NUFIP2: variants seen among roughly 807,000 people sequenced by gnomAD.
NUFIP2 encodes nuclear FMR1 interacting protein 2.
Under a neutral mutation model 56.9 loss-of-function variants are expected in NUFIP2, and 6 were observed. That is an observed-to-expected ratio of 0.11 (90% CI 0.06 to 0.21). The LOEUF (loss-of-function observed/expected upper bound fraction) is 0.21, where lower values mean the gene tolerates loss of function less well. NUFIP2 is among the 10% of genes least tolerant of loss of function. The pLI, the probability that NUFIP2 is intolerant of heterozygous loss-of-function variation, is 1.00. For synonymous variants in NUFIP2, 321 were observed against 298.2 expected (o/e 1.08, Z -0.79); for missense variants, 828 against 826.8 (o/e 1.00, Z -0.02).
intron 2 of NUFIP2, among the ~76,000 whole-genome samples, chr17:29,269,912 G>C (rs1266860163): frequency 6.6e-6 from 1 of 151,948 alleles, no homozygotes; most frequent in African/African-American, 2.4e-5. Flanking sequence ...AGTAGAGACG[G>C]GGTTTCACCG....
chr17:29,256,823 T>G lies in NUFIP2; in HGVS notation c.*7716A>C, dbSNP rs567337617. 1 of 152,224 alleles carries G rather than the reference T, an allele frequency of 6.6e-6. No homozygotes were observed. The highest frequency in any genetic ancestry group is 2.4e-5 in the African/African-American group (1 of 41,458). 9.4% of individuals were successfully genotyped at this position (152,224 alleles called of 1,614,324 possible). ...AACTCCTAAACTTGTTCTAATCAGC[T>G]TGGGCAATTTTTTAAAAGATACACG... On this transcript the variant is annotated 3_prime_UTR_variant, in exon 4 of 4. Coordinates refer to ENST00000225388, the MANE Select transcript of NUFIP2 (RefSeq NM_020772.3).
chr17:29,280,405 C>T (rs1307812732), intron 2 of NUFIP2, among the ~76,000 whole-genome samples: 1 of 152,146 alleles, frequency 6.6e-6, no homozygotes, highest in East Asian at 1.9e-4. Context: ...TAAGAAGGCA[C>T]AGTTATATGT....
At chr17:29,284,351 T>A (rs1332725719) in intron 2 of NUFIP2, among the ~76,000 whole-genome samples, 1 of 152,174 alleles carries the variant, frequency 6.6e-6, no homozygotes, top group East Asian at 1.9e-4. Context: ...GGATTTAGAT[T>A]ACAGTTATGC....
intron 2 of NUFIP2, among the ~76,000 whole-genome samples, chr17:29,281,937 T>C (rs899487379): frequency 6.6e-6 from 1 of 151,822 alleles, no homozygotes; most frequent in African/African-American, 2.4e-5. Flanking sequence ...GCTAATTTTT[T>C]GTATTTTTAG....
chr17:29,293,479 A>G (rs1452338033), intron 1 of NUFIP2, among the ~76,000 whole-genome samples: 1 of 152,068 alleles, frequency 6.6e-6, no homozygotes, highest in East Asian at 1.9e-4. Context: ...AGGGAGGTGA[A>G]TGGGAAAAGA....
chr17:29,274,940 AAGC>A (rs1246418372), intron 2 of NUFIP2, among the ~76,000 whole-genome samples: 2 of 152,154 alleles, frequency 1.3e-5, no homozygotes, highest in Non-Finnish European at 2.9e-5. Flanking sequence ...AAGAAAGAAA[AAGC>A]AGGTTTTGGA....
At position 29,294,012 on chromosome 17, in the gene NUFIP2, G is replaced by C. The variant is rs1329187723; in HGVS notation, c.48C>G (p.His16Gln). Residue 16 changes from histidine to glutamine, a missense_variant, in exon 1 of 4, where the codon CAC becomes CAG. Coordinates refer to ENST00000225388, the MANE Select transcript of NUFIP2 (RefSeq NM_020772.3). Reference sequence around the variant, plus strand: ...GCTGAGGGTGATGGTGCGGATGGTGGTGGCTGTGATGGTGCTGAGGCTGTG... The same window carrying C: ...GCTGAGGGTGATGGTGCGGATGGTGCTGGCTGTGATGGTGCTGAGGCTGTG... ...GQPQPQHHHS[H>Q]HHPHHHPQQQ... The C allele has an allele frequency of 6.2e-7, 1 of 1,612,838 alleles. No homozygotes were observed. Among genetic ancestry groups the C allele is most frequent in the African/African-American group, 1.3e-5 (1 of 74,846 alleles).
chr17:29,267,009 T>G (rs750416344), intron 3 of NUFIP2, among the ~76,000 whole-genome samples: 4 of 151,840 alleles, frequency 2.6e-5, no homozygotes, highest in Non-Finnish European at 5.9e-5. Context: ...GTTCAAGCTA[T>G]TCTCTTGCCT....
chr17:29,260,163 T>C lies in NUFIP2; in HGVS notation c.*4376A>G, dbSNP rs2068994341. On this transcript the variant is annotated 3_prime_UTR_variant, in exon 4 of 4. Coordinates refer to ENST00000225388, the MANE Select transcript of NUFIP2 (RefSeq NM_020772.3). ...AGTCTTTTCCTCTGCCTCTCCCTTT[T>C]AAACAAATTATCAAAATTTTGTGGC... The C allele has an allele frequency of 6.6e-6, 1 of 152,188 alleles. No individual in the cohort carries two copies. Among genetic ancestry groups the C allele is most frequent in the African/African-American group, 2.4e-5 (1 of 41,450 alleles). 9.4% of individuals were successfully genotyped at this position (152,188 alleles called of 1,614,324 possible).
intron 2 of NUFIP2, among the ~76,000 whole-genome samples, chr17:29,271,224 C>T (rs1348178117): frequency 6.6e-6 from 1 of 152,064 alleles, no homozygotes; most frequent in African/African-American, 2.4e-5. Flanking sequence ...TGAAGCAAGC[C>T]AAGCTTCTAG....
intron 2 of NUFIP2, among the ~76,000 whole-genome samples, chr17:29,277,725 T>C (rs2153011718): frequency 6.6e-6 from 1 of 152,212 alleles, no homozygotes; most frequent in Non-Finnish European, 1.5e-5. Flanking sequence ...ATATAGCATG[T>C]TTTCCGGCCA....
chr17:29,286,872 A>G lies in NUFIP2; in HGVS notation c.1122T>C (p.Ser374=). ...ATGATGAAGATGAAGTTGGTGACAC[A>G]GAAGAGTTCTGTATAGTTTTGTTGA... ...ENLNKTIQNS[S]VSPTSSSSSS... Residue 374 remains serine (S), a synonymous_variant, in exon 2 of 4, where the codon TCT becomes TCC. Coordinates refer to ENST00000225388, the MANE Select transcript of NUFIP2 (RefSeq NM_020772.3). 1 of 1,614,234 alleles carries G rather than the reference A, an allele frequency of 6.2e-7. No homozygotes were observed. The highest frequency in any genetic ancestry group is 8.5e-7 in the Non-Finnish European group (1 of 1,180,046).
At chr17:29,281,851 A>G (rs12943960) in intron 2 of NUFIP2, among the ~76,000 whole-genome samples, 8 of 143,152 alleles carry the variant, frequency 5.6e-5, no homozygotes, top group Admixed American at 4.9e-4. Context: ...TGCAACTTCC[A>G]CCTCCCGGGT....
At position 29,263,948 on chromosome 17, in the gene NUFIP2, A is replaced by G. The variant is rs1036130931; in HGVS notation, c.*591T>C. ...GAGGCCGCTTAACTCCTGGCAAGAC[A>G]TGCAAATCATATTCGCTAAAAAAAT... On this transcript the variant is annotated 3_prime_UTR_variant, in exon 4 of 4. Coordinates refer to ENST00000225388, the MANE Select transcript of NUFIP2 (RefSeq NM_020772.3). 6.5e-6 allele frequency: 1 copy of G among 152,740 alleles called. No individual in the cohort carries two copies. The highest frequency in any genetic ancestry group is 2.4e-5 in the African/African-American group (1 of 41,444). 9.5% of individuals were successfully genotyped at this position (152,740 alleles called of 1,614,324 possible).
In NUFIP2 at chr17:29,286,033, C is replaced by G; in HGVS notation, c.1961G>C (p.Gly654Ala). 3.1e-6 allele frequency: 5 copies of G among 1,613,934 alleles called. No individual in the cohort carries two copies. Among genetic ancestry groups the G allele is most frequent in the Non-Finnish European group, 4.2e-6 (5 of 1,179,870 alleles). Residue 654 changes from glycine (G) to alanine (A), a missense_variant, in exon 2 of 4, where the codon GGT becomes GCT. Physicochemically the swap from Gly to Ala is moderately conservative, Grantham distance 60. Coordinates refer to ENST00000225388, the MANE Select transcript of NUFIP2 (RefSeq NM_020772.3). ...QRGLERNDSWGSFDLRAAIVY... is the reference protein window; with the variant it reads ...QRGLERNDSWASFDLRAAIVY... ...AATAGCAGCCCTCAGGTCAAAAGAA[C>G]CCCAGCTATCATTCCTTTCTAGGCC...
intron 2 of NUFIP2, among the ~76,000 whole-genome samples, chr17:29,281,691 A>C (rs1377123655): frequency 6.9e-5 from 2 of 29,052 alleles, no homozygotes; most frequent in South Asian, 3.3e-3. Flanking sequence ...TGTCTCTTTA[A>C]AAAAAAAAAA....
At chr17:29,292,842 C>CCG (rs1382127942) in intron 1 of NUFIP2, among the ~76,000 whole-genome samples, 4 of 147,194 alleles carry the variant, frequency 2.7e-5, no homozygotes, top group Non-Finnish European at 6.0e-5. Context: ...CCGCCCGGGG[C>CCG]CGCGCGCCGC....
intron 3 of NUFIP2, among the ~76,000 whole-genome samples, chr17:29,264,988 G>A (rs946867642): frequency 1.3e-5 from 2 of 152,174 alleles, no homozygotes; most frequent in Admixed American, 1.3e-4. Context: ...GCTGTTCCCA[G>A]CAAATGAAGT....
At position 29,271,592 on chromosome 17, in the gene NUFIP2, TAAG is replaced by T. The variant is rs140121491; in HGVS notation, c.2003-4065_2003-4063del. Reference sequence around the variant, plus strand: ...ATCAGCATTATCAGAAATGCTGAACTAAGAAGTGAATGCAATTTCCCTTCCTGT... The same window carrying T: ...ATCAGCATTATCAGAAATGCTGAACTAAGTGAATGCAATTTCCCTTCCTGT... On this transcript the variant is annotated intron_variant, in intron 2 of 3. Transcript: ENST00000225388. Among the ~76,000 whole-genome samples the T allele has an allele frequency of 6.4e-3, 977 of 152,034 alleles. 68 individuals carry two copies. In the East Asian group the frequency reaches 0.15, roughly 23 times the overall value.
Sources: allele counts gnomAD v4.1 joint callset (sites outside exome capture counted in the v4.1 genomes callset), GRCh38; gene constraint gnomAD v4.1.1; transcripts MANE v1.5; gene names NCBI Gene and HGNC (gene_info 2026-07-23, HGNC 2026-07-21).